Variants in RECQL4 observed in about 807,000 individuals in gnomAD.
RECQL4 encodes ATP-dependent DNA helicase Q4.
RECQL4 carries 158 observed loss-of-function variants against 128.6 expected under a neutral mutation model. The observed-to-expected ratio is 1.23, with a 90% CI of 1.08 to 1.40. The LOEUF (loss-of-function observed/expected upper bound fraction) is 1.40. RECQL4 is among the 40% of genes most tolerant of loss of function. The probability of loss-of-function intolerance (pLI) is 0.00; values close to 1 mark genes in which losing one functional copy is unlikely to be tolerated. For missense variants in RECQL4, 2,293 were observed against 1,649.8 expected (o/e 1.39, Z -6.75); for synonymous variants, 996 against 678.9 (o/e 1.47, Z -7.26).
At position 144,515,996 on chromosome 8, in the gene RECQL4, G is replaced by A. The variant is rs746423729; in HGVS notation, c.1123C>T (p.Arg375Cys). The A allele has an allele frequency of 9.3e-6, 15 of 1,609,152 alleles. No individual in the cohort carries two copies. Among genetic ancestry groups the A allele is most frequent in the South Asian group, 4.4e-5 (4 of 91,010 alleles). The change falls in exon 5 of 21, where the codon CGC (arginine) becomes TGC (cysteine). Residue 375 changes from arginine to cysteine, a missense_variant. Coordinates refer to ENST00000617875, the MANE Select transcript of RECQL4 (RefSeq NM_004260.4). ...RGRALRSRLL[R>C]KQAWKQKWRK... ...GCCCGTCGCTGTCTTACCTGCTTGCGGAGGAGCCTGCTACGGAGTGCCCGG... is the reference window on the plus strand; with the variant it reads ...GCCCGTCGCTGTCTTACCTGCTTGCAGAGGAGCCTGCTACGGAGTGCCCGG...
At chr8:144,515,734 C>G (rs764548058) in intron 6 of RECQL4, 30 bp downstream of exon 6, 1 of 1,609,222 alleles carries the variant, frequency 6.2e-7, no homozygotes, top group Admixed American at 1.7e-5. Flanking sequence ...CAGTGTTGGC[C>G]GGACCCACCC....
At position 144,516,682 on chromosome 8, in the gene RECQL4, C is replaced by T. The variant is rs1464115370; in HGVS notation, c.437G>A (p.Gly146Glu). The T allele has an allele frequency of 5.1e-6, 8 of 1,578,576 alleles. No homozygotes were observed. Among genetic ancestry groups the T allele is most frequent in the South Asian group, 1.2e-5 (1 of 85,692 alleles). ...TTTTTCTGCAAAGGAGGGGACAGGC[C>T]CTGTACCTGGGGGCTTTGGGGTGGA... is the stretch of plus-strand genomic sequence containing the variant. ...KASTPKPPGTGPVPSFAEKVS... is the reference protein window; with the variant it reads ...KASTPKPPGTEPVPSFAEKVS... The change falls in exon 5 of 21, where the codon GGG becomes GAG. Residue 146 changes from glycine to glutamate, a missense_variant. Physicochemically the swap from Gly to Glu is moderately conservative, Grantham distance 98. Transcript: ENST00000617875.
At position 144,517,808 on chromosome 8, in the gene RECQL4, C is replaced by G; in HGVS notation, c.-24G>C. ...ATGGCGCGCGCGCCCGCCCGGCCTCCGCGCTTGCGATCGTCCAGCGAATCT... is the reference window on the plus strand; with the variant it reads ...ATGGCGCGCGCGCCCGCCCGGCCTCGGCGCTTGCGATCGTCCAGCGAATCT... On this transcript the variant is annotated 5_prime_UTR_variant, in exon 1 of 21. Coordinates refer to ENST00000617875, the MANE Select transcript of RECQL4 (RefSeq NM_004260.4). The G allele has an allele frequency of 1.7e-6, 2 of 1,202,140 alleles. No individual in the cohort carries two copies. The highest frequency in any genetic ancestry group is 4.2e-5 in the Admixed American group (1 of 23,818). The allele number at this position is 1,202,140 out of a possible 1,614,324, so 74.5% of individuals were successfully genotyped here.
Position 144,516,064 on chromosome 8 carries a change from T to C in RECQL4, c.1055A>G (p.Asn352Ser), listed in dbSNP as rs761136493. Residue 352 changes from asparagine (N) to serine (S), a missense_variant, in exon 5 of 21, where the codon AAT becomes AGT. By Grantham distance (46) the Asn-to-Ser change is conservative (BLOSUM62 1). Transcript: ENST00000617875. ...FPRLARHDRG[N>S]YVRLNMKQKH... ...CTGCTTCATGTTGAGCCGTACGTAA[T>C]TGCCCCTGTCATGGCGGGCCAGCCG... 1 of 1,612,614 alleles carries C rather than the reference T, an allele frequency of 6.2e-7. No individual in the cohort carries two copies. Among genetic ancestry groups the C allele is most frequent in the Non-Finnish European group, 8.5e-7 (1 of 1,179,866 alleles).
chr8:144,517,284 C>A, intron 3 of RECQL4, 94 bp from the exon 4 acceptor site: 1 of 1,505,888 alleles, frequency 6.6e-7, no homozygotes, highest in South Asian at 1.2e-5. Flanking sequence ...CGAGGCCCGG[C>A]CCTTCTTCAC....
intron 6 of RECQL4, 122 bp from the exon 7 acceptor site, chr8:144,515,579 T>A: frequency 6.6e-7 from 1 of 1,520,288 alleles, no homozygotes; most frequent in Non-Finnish European, 9.0e-7. Context: ...TGGGCTACTT[T>A]TTCCAAAGCA....
intron 5 of RECQL4, 45 bp from the exon 6 acceptor site, chr8:144,515,935 G>C (rs761677485): frequency 1.9e-6 from 3 of 1,612,290 alleles, no homozygotes; most frequent in Non-Finnish European, 2.5e-6. Flanking sequence ...GGAAATACGG[G>C]AGGGCTGAGG....
chr8:144,513,685 G>A lies in RECQL4; in HGVS notation c.2086C>T (p.Arg696Cys), dbSNP rs531970883. Reference protein sequence around the residue: ...QALLTLLQGKRFQNLDSIIIY... With the variant: ...QALLTLLQGKCFQNLDSIIIY... The stretch of plus-strand genomic sequence containing the variant: ...ATAATGGAATCGAGGTTTTGAAAAC[G>A]TTTGCCTTGCAGCAGCGTCAACAGT... The change falls in exon 13 of 21, where the codon CGT (arginine) becomes TGT (cysteine). Residue 696 changes from arginine to cysteine, a missense_variant. Coordinates refer to ENST00000617875, the MANE Select transcript of RECQL4 (RefSeq NM_004260.4). 170 of 1,551,440 alleles carry A rather than the reference G, an allele frequency of 1.1e-4. No homozygotes were observed. Among genetic ancestry groups the A allele is most frequent in the Middle Eastern group, 5.0e-4 (3 of 6,014 alleles).
intron 3 of RECQL4, 58 bp downstream of exon 3, chr8:144,517,356 C>G (rs1240363812): frequency 2.0e-6 from 3 of 1,502,226 alleles, no homozygotes; most frequent in Admixed American, 2.1e-5. Flanking sequence ...CTCCGTGGCT[C>G]CCGCCACTCC....
In RECQL4 at chr8:144,515,413, G is replaced by A. The variant is rs769553486; in HGVS notation, c.1303C>T (p.Pro435Ser). Reference protein sequence around the residue: ...TDAVGPEPLVPSPQPVPEVPS... With the variant: ...TDAVGPEPLVSSPQPVPEVPS... The stretch of plus-strand genomic sequence containing the variant: ...ACCTCAGGTACAGGTTGTGGTGAAG[G>A]AACCAGTGGCTCAGGCCCAACAGCA... The change falls in exon 7 of 21, where the codon CCT (proline) becomes TCT (serine). Residue 435 changes from proline to serine, a missense_variant. Physicochemically the swap from Pro to Ser is moderately conservative, Grantham distance 74. Coordinates refer to ENST00000617875, the MANE Select transcript of RECQL4 (RefSeq NM_004260.4). 1.9e-6 allele frequency: 3 copies of A among 1,612,714 alleles called. No homozygotes were observed. Among genetic ancestry groups the A allele is most frequent in the African/African-American group, 1.3e-5 (1 of 74,940 alleles).
chr8:144,514,971 C>G lies in RECQL4; in HGVS notation c.1585G>C (p.Val529Leu), dbSNP rs1459761249. The part of the protein sequence containing the change: ...YSRRSPCLTL[V>L]VSPLLSLMDD... ...ATGAGTGACAGCAGGGGAGAGACGA[C>G]CAACGTGAGGCAGGGGCTGCGCCGG... Residue 529 changes from valine (V) to leucine (L), a missense_variant, in exon 9 of 21, where the codon GTC (valine) becomes CTC (leucine). Physicochemically the swap from Val to Leu is conservative, Grantham distance 32 (BLOSUM62 1). Coordinates refer to ENST00000617875, the MANE Select transcript of RECQL4 (RefSeq NM_004260.4). 1.9e-6 allele frequency: 3 copies of G among 1,611,814 alleles called. No homozygotes were observed. The highest frequency in any genetic ancestry group is 1.3e-5 in the African/African-American group (1 of 74,890).
chr8:144,515,607 T>C, intron 6 of RECQL4, 150 bp from the exon 7 acceptor site: 1 of 1,459,138 alleles, frequency 6.9e-7, no homozygotes. Flanking sequence ...GTGACAGCCA[T>C]CGTCGTCCCT....
rs1586830068 is a variant in RECQL4, at chr8:144,517,073, C to T, written c.331G>A (p.Ala111Thr). The change falls in exon 4 of 21, where the codon GCC becomes ACC. Residue 111 changes from alanine to threonine, a missense_variant. By Grantham distance (58) the Ala-to-Thr change is moderately conservative. Transcript: ENST00000617875. ...SVPDYGQRLK[A>T]NLKGTLQAGP... Reference sequence around the variant, plus strand: ...ACCTGCAGGGTGCCTTTCAGATTGGCCTTGAGCCGCTGCCCGTAGTCCGGC... The same window carrying T: ...ACCTGCAGGGTGCCTTTCAGATTGGTCTTGAGCCGCTGCCCGTAGTCCGGC... 6.2e-7 allele frequency: 1 copy of T among 1,612,094 alleles called. No homozygotes were observed. Among genetic ancestry groups the T allele is most frequent in the African/African-American group, 1.3e-5 (1 of 75,068 alleles).
chr8:144,516,041 G>C lies in RECQL4; in HGVS notation c.1078C>G (p.Gln360Glu), dbSNP rs375236875. 1.2e-6 allele frequency: 2 copies of C among 1,612,268 alleles called. No homozygotes were observed. The highest frequency in any genetic ancestry group is 3.3e-5 in the Admixed American group (2 of 60,008). The change falls in exon 5 of 21, where the codon CAG becomes GAG. Residue 360 changes from glutamine to glutamate, a missense_variant. By Grantham distance (29) the Gln-to-Glu change is conservative. Transcript: ENST00000617875. ...RGNYVRLNMK[Q>E]KHYVRGRALR... ...GCCCGGCCCCGCACGTAGTGTTTCT[G>C]CTTCATGTTGAGCCGTACGTAATTG... is the stretch of plus-strand genomic sequence containing the variant.
Position 144,517,431 on chromosome 8 carries a change from G to A in RECQL4, c.196C>T (p.Pro66Ser). ...CTGGGTACCTCTTCGGCCGCCGCGGGGAGCGACTCGGAGCTGCGGAGCCCG... is the reference window on the plus strand; with the variant it reads ...CTGGGTACCTCTTCGGCCGCCGCGGAGAGCGACTCGGAGCTGCGGAGCCCG... ...GGGLRSSESL[P>S]AAAEEAPEPR... Residue 66 changes from proline (P) to serine (S), a missense_variant, in exon 3 of 21, where the codon CCC (proline) becomes TCC (serine). Coordinates refer to ENST00000617875, the MANE Select transcript of RECQL4 (RefSeq NM_004260.4). The A allele has an allele frequency of 1.9e-6, 3 of 1,583,064 alleles. No individual in the cohort carries two copies. The highest frequency in any genetic ancestry group is 2.6e-6 in the Non-Finnish European group (3 of 1,169,858).
At position 144,514,509 on chromosome 8, in the gene RECQL4, G is replaced by A. The variant is rs377298374; in HGVS notation, c.1637C>T (p.Pro546Leu). The change falls in exon 10 of 21, where the codon CCG becomes CTG. Residue 546 changes from proline to leucine, a missense_variant. Transcript: ENST00000617875. ...GTGTATGCAGGCCGCCTTGAGACAC[G>A]GTGGCAGGCCAGACACCTGCAAATG... is the stretch of plus-strand genomic sequence containing the variant. ...LMDDQVSGLPPCLKAACIHSG... is the reference protein window; with the variant it reads ...LMDDQVSGLPLCLKAACIHSG... 1.1e-5 allele frequency: 18 copies of A among 1,611,508 alleles called. No individual in the cohort carries two copies. Among genetic ancestry groups the A allele is most frequent in the East Asian group, 2.2e-5 (1 of 44,870 alleles).
rs1827559355 is a variant in RECQL4, at chr8:144,513,081, C to G, written c.2521G>C (p.Ala841Pro). 6.3e-7 allele frequency: 1 copy of G among 1,576,630 alleles called. No individual in the cohort carries two copies. The highest frequency in any genetic ancestry group is 8.6e-7 in the Non-Finnish European group (1 of 1,159,296). The part of the protein sequence containing the change: ...HVHADSTDFL[A>P]VKRLVQRVFP... ...ACGCGCTGTACCAGCCTCTTCACAG[C>G]CAGGAAGTCCGTGCTGTCGGCGTGC... The change falls in exon 15 of 21, where the codon GCT becomes CCT. Residue 841 changes from alanine (A) to proline (P), a missense_variant. Coordinates refer to ENST00000617875, the MANE Select transcript of RECQL4 (RefSeq NM_004260.4).
Position 144,511,688 on chromosome 8 carries a change from G to C in RECQL4, c.3495C>G (p.His1165Gln). ...FSSRAVARIF[H>Q]GIGSPCYPAQ... ...GGGCCTCCCAGGCCTCACCGATGCC[G>C]TGGAAGATGCGGGCCACAGCCCTGC... The change falls in exon 20 of 21, where the codon CAC (histidine) becomes CAG (glutamine). Residue 1165 changes from histidine to glutamine, a missense_variant. His to Gln is a conservative substitution (Grantham distance 24). Transcript: ENST00000617875. 2 of 1,612,376 alleles carry C rather than the reference G, an allele frequency of 1.2e-6. No homozygotes were observed. The highest frequency in any genetic ancestry group is 1.7e-6 in the Non-Finnish European group (2 of 1,179,710).
In RECQL4 at chr8:144,513,384, C is replaced by G. The variant is rs931761657; in HGVS notation, c.2297G>C (p.Arg766Pro). 1 of 1,607,802 alleles carries G rather than the reference C, an allele frequency of 6.2e-7. No individual in the cohort carries two copies. The highest frequency in any genetic ancestry group is 8.5e-7 in the Non-Finnish European group (1 of 1,179,676). Residue 766 changes from arginine to proline, a missense_variant, in exon 14 of 21, where the codon CGG (arginine) becomes CCG (proline). Physicochemically the swap from Arg to Pro is moderately radical, Grantham distance 103. Coordinates refer to ENST00000617875, the MANE Select transcript of RECQL4 (RefSeq NM_004260.4). ...AAAGGCCACCGTGGCCACCACCACC[C>G]GCAACTGGCCCTGCATGAAGGCTCG... ...VQRAFMQGQL[R>P]VVVATVAFGM...
Sources: gnomAD v4.1 joint callset for allele counts on GRCh38, gnomAD v4.1.1 for gene constraint, MANE v1.5 for transcripts, NCBI Gene and HGNC (gene_info 2026-07-23, HGNC 2026-07-21) for gene names.